TYW1B: variants seen among roughly 807,000 people sequenced by gnomAD.
TYW1B encodes the protein S-adenosyl-L-methionine-dependent tRNA 4-demethylwyosine synthase TYW1B.
TYW1B carries 73 observed loss-of-function variants against 86.9 expected under a neutral mutation model. The observed-to-expected ratio is 0.84, with a 90% CI of 0.70 to 1.02. The LOEUF is 1.02. Among genes scored for constraint, TYW1B ranks in the 50% least tolerant of loss-of-function variants. The pLI, the probability that TYW1B is intolerant of heterozygous loss-of-function variation, is 0.00. For missense variants in TYW1B, 637 were observed against 827.4 expected (o/e 0.77, Z 2.82); for synonymous variants, 248 against 292.8 (o/e 0.85, Z 1.56).
At chr7:72,645,052 C>A (rs1349040264) in intron 11 of TYW1B, among the ~76,000 whole-genome samples, 2 of 152,098 alleles carry the variant, frequency 1.3e-5, no homozygotes, top group Admixed American at 6.6e-5. Flanking sequence ...TGGTCTTGAT[C>A]TCCTGAACTC....
intron 7 of TYW1B, among the ~76,000 whole-genome samples, chr7:72,771,368 T>G (rs1288149473): frequency 2.0e-5 from 3 of 152,184 alleles, no homozygotes; most frequent in Non-Finnish European, 4.4e-5. Flanking sequence ...CACAATAAAT[T>G]CATTGGGGTG....
intron 9 of TYW1B, among the ~76,000 whole-genome samples, chr7:72,726,273 A>G (rs1786996613): frequency 6.6e-6 from 1 of 152,210 alleles, no homozygotes; most frequent in Non-Finnish European, 1.5e-5. Flanking sequence ...TACAAAAAAA[A>G]GTCAGCCTAC....
At chr7:72,626,748 C>T (rs1812358492) in intron 12 of TYW1B, among the ~76,000 whole-genome samples, 2 of 151,990 alleles carry the variant, frequency 1.3e-5, no homozygotes, top group African/African-American at 4.8e-5. Flanking sequence ...GCTCTCCAGC[C>T]CTAGTCCCAC....
chr7:72,625,040 C>G (rs1385961886), intron 12 of TYW1B, among the ~76,000 whole-genome samples: 1 of 142,862 alleles, frequency 7.0e-6, no homozygotes, highest in Non-Finnish European at 1.5e-5. Flanking sequence ...GCCTGGGAGA[C>G]AGAGTAAGAA....
intron 7 of TYW1B, among the ~76,000 whole-genome samples, chr7:72,758,425 TAAAC>T (rs1787630357): frequency 6.6e-6 from 1 of 152,024 alleles, no homozygotes; most frequent in Non-Finnish European, 1.5e-5. Flanking sequence ...TATTCCTAAA[TAAAC>T]ATTTTTTTCT....
At chr7:72,672,704 T>C (rs1342057920) in intron 11 of TYW1B, among the ~76,000 whole-genome samples, 3 of 152,150 alleles carry the variant, frequency 2.0e-5, no homozygotes, top group African/African-American at 4.8e-5. Context: ...GATTTTGGTA[T>C]CCATGGGGGT....
chr7:72,761,572 C>CA (rs1787685713), intron 7 of TYW1B, among the ~76,000 whole-genome samples: 1 of 143,626 alleles, frequency 7.0e-6, no homozygotes, highest in Admixed American at 7.1e-5. Context: ...GTCTGGCTGA[C>CA]AGAGTGAGAC....
At chr7:72,753,615 G>C (rs992301047) in intron 7 of TYW1B, among the ~76,000 whole-genome samples, 1 of 151,764 alleles carries the variant, frequency 6.6e-6, no homozygotes, top group Non-Finnish European at 1.5e-5. Flanking sequence ...AGAGTAGCTG[G>C]GATTACAGGT....
chr7:72,692,280 T>C (rs1369266412), intron 11 of TYW1B, among the ~76,000 whole-genome samples: 4 of 149,504 alleles, frequency 2.7e-5, no homozygotes, highest in Non-Finnish European at 4.4e-5. Flanking sequence ...CAGTGGCTCA[T>C]GCCTATAATC....
At chr7:72,639,062 A>T (rs1215150599) in intron 11 of TYW1B, among the ~76,000 whole-genome samples, 1 of 152,176 alleles carries the variant, frequency 6.6e-6, no homozygotes, top group Non-Finnish European at 1.5e-5. Context: ...CATTACAAGA[A>T]GTATAAACAA....
intron 8 of TYW1B, among the ~76,000 whole-genome samples, chr7:72,741,005 C>T (rs1260018494): frequency 1.3e-5 from 2 of 152,108 alleles, no homozygotes; most frequent in Non-Finnish European, 2.9e-5. Context: ...GCTGGAATTA[C>T]AGGCATGAAC....
intron 11 of TYW1B, among the ~76,000 whole-genome samples, chr7:72,666,433 A>C (rs534938375): frequency 9.3e-4 from 141 of 152,232 alleles, no homozygotes; most frequent in Middle Eastern, 3.4e-3. Context: ...CTCAAAAAAA[A>C]CCCAAAGAAA....
At chr7:72,798,841 T>C (rs1263129201) in intron 6 of TYW1B, among the ~76,000 whole-genome samples, 1 of 152,220 alleles carries the variant, frequency 6.6e-6, no homozygotes, top group African/African-American at 2.4e-5. Flanking sequence ...TTTATCAGTG[T>C]AGTTTTCATT....
At chr7:72,599,822 A>G (rs1554433340) in intron 13 of TYW1B, among the ~76,000 whole-genome samples, 2 of 152,208 alleles carry the variant, frequency 1.3e-5, no homozygotes, top group African/African-American at 4.8e-5. Flanking sequence ...AATCTAACAA[A>G]ACAGATACAC....
At chr7:72,821,989 T>C (rs1457761568) in intron 2 of TYW1B, among the ~76,000 whole-genome samples, 1 of 151,730 alleles carries the variant, frequency 6.6e-6, no homozygotes, top group Non-Finnish European at 1.5e-5. Flanking sequence ...CTCAAGCCTG[T>C]AATCCTAACA....
At chr7:72,628,322 A>G (rs1445073175) in intron 12 of TYW1B, among the ~76,000 whole-genome samples, 1 of 152,242 alleles carries the variant, frequency 6.6e-6, no homozygotes, top group Non-Finnish European at 1.5e-5. Flanking sequence ...AGTAAATAAA[A>G]TAAGAGTAGA....
At chr7:72,672,639 GC>G (rs1813637588) in intron 11 of TYW1B, among the ~76,000 whole-genome samples, 1 of 152,094 alleles carries the variant, frequency 6.6e-6, no homozygotes, top group Non-Finnish European at 1.5e-5. Flanking sequence ...AATAGAGAAG[GC>G]CAACTTTTCA....
intron 11 of TYW1B, among the ~76,000 whole-genome samples, chr7:72,644,762 T>A (rs540343833): frequency 6.7e-6 from 1 of 149,950 alleles, no homozygotes; most frequent in African/African-American, 2.5e-5. Flanking sequence ...CTTCAAAATG[T>A]GAAAGGAAGG....
intron 2 of TYW1B, among the ~76,000 whole-genome samples, chr7:72,815,977 T>C (rs1346007431): frequency 2.0e-5 from 3 of 152,094 alleles, no homozygotes; most frequent in African/African-American, 7.2e-5. Flanking sequence ...TACAGTGAGC[T>C]ATGATCACAC....
Sources: allele counts gnomAD v4.1 joint callset (sites outside exome capture counted in the v4.1 genomes callset), GRCh38; gene constraint gnomAD v4.1.1; transcripts MANE v1.5; gene names NCBI Gene and HGNC (gene_info 2026-07-23, HGNC 2026-07-21).